ALK: variants seen among roughly 807,000 people sequenced by gnomAD.
ALK encodes the protein ALK tyrosine kinase receptor.
ALK carries 74 observed loss-of-function variants against 163.1 expected under a neutral mutation model. That is an observed-to-expected ratio of 0.45 (90% confidence interval 0.38 to 0.55). The LOEUF (loss-of-function observed/expected upper bound fraction) is 0.55, where lower values mean the gene tolerates loss of function less well. Ranked by LOEUF, ALK falls within the 20% of genes least tolerant of loss-of-function variation. The pLI is 0.00. For missense variants in ALK, 2,063 were observed against 2,105.3 expected, an observed-to-expected ratio of 0.98 and a Z score of 0.39; for synonymous variants, 960 against 843.2, an observed-to-expected ratio of 1.14 and a Z score of -2.40.
intron 3 of ALK, among the ~76,000 whole-genome samples, chr2:29,534,741 TA>T (rs1220952647): frequency 6.6e-6 from 1 of 152,250 alleles, no homozygotes; most frequent in African/African-American, 2.4e-5. Flanking sequence ...GGTATTGGAC[TA>T]GGGGCTCTTT....
At chr2:29,459,857 G>T (rs1671044362) in intron 4 of ALK, among the ~76,000 whole-genome samples, 1 of 152,112 alleles carries the variant, frequency 6.6e-6, no homozygotes, top group African/African-American at 2.4e-5. Flanking sequence ...TCTCTGTTTA[G>T]ATCACCATAA....
chr2:29,265,272 C>A (rs554007651), intron 11 of ALK, among the ~76,000 whole-genome samples: 2 of 152,304 alleles, frequency 1.3e-5, no homozygotes, highest in African/African-American at 4.8e-5. Context: ...CCCACCTTGG[C>A]TTCCCAAAGT....
chr2:29,523,920 A>AAAAGTTGT (rs1672886149), intron 4 of ALK, among the ~76,000 whole-genome samples: 1 of 137,322 alleles, frequency 7.3e-6, no homozygotes, highest in African/African-American at 2.7e-5. Context: ...AATCGTGAGT[A>AAAAGTTGT]AAAGTTGTAC....
intron 4 of ALK, among the ~76,000 whole-genome samples, chr2:29,391,312 G>T (rs1669165452): frequency 7.0e-6 from 1 of 143,370 alleles, no homozygotes; most frequent in African/African-American, 2.6e-5. Flanking sequence ...TTTTGGGGGG[G>T]GGGTGGTGGT....
At chr2:29,349,555 A>G (rs969236857) in intron 5 of ALK, among the ~76,000 whole-genome samples, 1 of 152,220 alleles carries the variant, frequency 6.6e-6, no homozygotes, top group Non-Finnish European at 1.5e-5. Flanking sequence ...CTCCGCTTCC[A>G]GGAAGCAGGG....
At position 29,193,833 on chromosome 2, in the gene ALK, AG is replaced by A. The variant is rs1465752373; in HGVS notation, c.4253del (p.Pro1418LeufsTer59). On this transcript the variant is annotated frameshift_variant, in exon 29 of 29. Transcript: ENST00000389048. LOFTEE classifies it low-confidence loss of function (END_TRUNC). ...AGACCAGGAGAGGAGGAACCCCCTCAGGGTCCTTGGGCCTCACAGGCACTTT... is the reference window on the plus strand; with the variant it reads ...AGACCAGGAGAGGAGGAACCCCCTCAGGTCCTTGGGCCTCACAGGCACTTT... The part of the protein sequence containing the change: ...EEKVPVRPKD[P>X]EGVPPLLVSQ... 1 of 1,611,020 alleles carries A rather than the reference AG, an allele frequency of 6.2e-7. No individual in the cohort carries two copies. Among genetic ancestry groups the A allele is most frequent in the African/African-American group, 1.3e-5 (1 of 74,774 alleles).
At chr2:29,861,022 AGTGG>A (rs1666277149) in intron 1 of ALK, among the ~76,000 whole-genome samples, 2 of 152,142 alleles carry the variant, frequency 1.3e-5, no homozygotes, top group African/African-American at 2.4e-5. Context: ...AAATAAAAAA[AGTGG>A]TTGGGTATGG....
At chr2:29,515,830 C>T (rs1433930727) in intron 4 of ALK, among the ~76,000 whole-genome samples, 2 of 152,116 alleles carry the variant, frequency 1.3e-5, no homozygotes, top group Non-Finnish European at 2.9e-5. Flanking sequence ...TGTTTAGAAA[C>T]AATTAAGTAT....
At chr2:29,867,194 C>G (rs1201159830) in intron 1 of ALK, among the ~76,000 whole-genome samples, 1 of 152,104 alleles carries the variant, frequency 6.6e-6, no homozygotes, top group Non-Finnish European at 1.5e-5. Flanking sequence ...TATCAAGGCC[C>G]AGAGCTCAAG....
intron 4 of ALK, among the ~76,000 whole-genome samples, chr2:29,384,843 G>T (rs11684028): frequency 6.6e-6 from 1 of 152,134 alleles, no homozygotes; most frequent in East Asian, 1.9e-4. Flanking sequence ...ATGAGGTCAA[G>T]AGATTGAAAC....
intron 12 of ALK, among the ~76,000 whole-genome samples, chr2:29,245,183 C>T (rs1313039215): frequency 1.3e-5 from 2 of 149,224 alleles, no homozygotes; most frequent in African/African-American, 5.0e-5. Context: ...CAGTGCCCTG[C>T]ACACAGTAGG....
intron 3 of ALK, among the ~76,000 whole-genome samples, chr2:29,588,159 C>T (rs552158879): frequency 1.3e-5 from 2 of 152,288 alleles, no homozygotes; most frequent in South Asian, 2.1e-4. Context: ...CTCTCAAGAA[C>T]GTCTCCACTG....
intron 3 of ALK, among the ~76,000 whole-genome samples, chr2:29,658,218 CA>C (rs1445770562): frequency 6.6e-6 from 1 of 152,132 alleles, no homozygotes; most frequent in African/African-American, 2.4e-5. Context: ...CAAATGAGAG[CA>C]GTGTAATATG....
intron 4 of ALK, among the ~76,000 whole-genome samples, chr2:29,407,170 G>C (rs1343803706): frequency 1.3e-5 from 2 of 152,170 alleles, no homozygotes; most frequent in Non-Finnish European, 2.9e-5. Context: ...TCAACTTTCT[G>C]ATCTGAAGCA....
chr2:29,276,068 G>T (rs1460060503), intron 9 of ALK, among the ~76,000 whole-genome samples: 1 of 152,146 alleles, frequency 6.6e-6, no homozygotes, highest in Non-Finnish European at 1.5e-5. Flanking sequence ...TCAGGCAACT[G>T]GCTCCTTCCC....
intron 1 of ALK, among the ~76,000 whole-genome samples, chr2:29,909,833 C>T (rs947073327): frequency 6.6e-6 from 1 of 152,110 alleles, no homozygotes; most frequent in African/African-American, 2.4e-5. Context: ...CTTCTCTAAA[C>T]TCCCTCAAAC....
At chr2:29,440,711 G>T (rs1670519928) in intron 4 of ALK, among the ~76,000 whole-genome samples, 1 of 152,180 alleles carries the variant, frequency 6.6e-6, no homozygotes, top group Non-Finnish European at 1.5e-5. Flanking sequence ...TCAAGGGCAT[G>T]AACCCTTGAC....
intron 1 of ALK, among the ~76,000 whole-genome samples, chr2:29,737,108 G>T (rs574241422): frequency 2.3e-4 from 35 of 152,146 alleles, no homozygotes; most frequent in African/African-American, 8.2e-4. Flanking sequence ...TGTTGATGTA[G>T]AAGTATTTTT....
intron 3 of ALK, among the ~76,000 whole-genome samples, chr2:29,602,254 A>C (rs1675399300): frequency 6.6e-6 from 1 of 152,096 alleles, no homozygotes; most frequent in African/African-American, 2.4e-5. Flanking sequence ...CATTTGCCCC[A>C]GGGAGGCCCC....
Sources: allele counts gnomAD v4.1 joint callset (sites outside exome capture counted in the v4.1 genomes callset), GRCh38; gene constraint gnomAD v4.1.1; transcripts MANE v1.5; gene names NCBI Gene and HGNC (gene_info 2026-07-23, HGNC 2026-07-21).